ITPR1: variants seen among roughly 807,000 people sequenced by gnomAD.
The protein encoded by ITPR1 is inositol 1,4,5-trisphosphate receptor type 1.
In ITPR1, 96 loss-of-function variants were observed where a neutral mutation model predicts 318.4. That is an observed-to-expected ratio of 0.30 (90% CI 0.26 to 0.36). The LOEUF is 0.36. Ranked by LOEUF, ITPR1 falls within the 10% of genes least tolerant of loss-of-function variation. ITPR1 has a pLI of 1.00. For synonymous variants in ITPR1, 1,312 were observed against 1,289.9 expected (o/e 1.02, Z -0.37); for missense variants, 2,440 against 3,460.2 (o/e 0.71, Z 7.40).
chr3:4,548,046 G>C (rs139218630), intron 4 of ITPR1, among the ~76,000 whole-genome samples: 5 of 152,236 alleles, frequency 3.3e-5, no homozygotes, highest in Non-Finnish European at 5.9e-5. Flanking sequence ...TCTCTTATTT[G>C]TCAGCACTTT....
At chr3:4,569,800 G>T (rs1256310191) in intron 4 of ITPR1, among the ~76,000 whole-genome samples, 1 of 152,190 alleles carries the variant, frequency 6.6e-6, no homozygotes, top group African/African-American at 2.4e-5. Context: ...CTTAAACTTT[G>T]TTCACATTGA....
intron 4 of ITPR1, among the ~76,000 whole-genome samples, chr3:4,528,543 G>A (rs941824609): frequency 1.3e-5 from 2 of 152,234 alleles, no homozygotes; most frequent in East Asian, 1.9e-4. Flanking sequence ...GCAAGGCATC[G>A]AAGGAATGAA....
chr3:4,842,072 T>G (rs981279119), intron 61 of ITPR1, among the ~76,000 whole-genome samples: 24 of 152,262 alleles, frequency 1.6e-4, no homozygotes, highest in African/African-American at 4.1e-4. Flanking sequence ...GGCATTTGTG[T>G]GCTGTCAATG....
chr3:4,598,013 G>T (rs915659286), intron 4 of ITPR1, among the ~76,000 whole-genome samples: 2 of 152,230 alleles, frequency 1.3e-5, no homozygotes, highest in Non-Finnish European at 2.9e-5. Context: ...GTGTGATTCT[G>T]TGACTGAGTG....
In ITPR1 at chr3:4,788,074, T is replaced by C; in HGVS notation, c.6743T>C (p.Ile2248Thr). ...GAGAGAGACGAACAAGGCAGCAAAA[T>C]CAATGATTTCTTTCTGCGGTCTGAA... is the stretch of plus-strand genomic sequence containing the variant. ...TTERDEQGSKINDFFLRSEDL... is the reference protein window; with the variant it reads ...TTERDEQGSKTNDFFLRSEDL... The change falls in exon 52 of 62, where the codon ATC becomes ACC. Residue 2248 changes from isoleucine to threonine, a missense_variant. Ile to Thr is a moderately conservative substitution (Grantham distance 89, BLOSUM62 -1). Coordinates refer to ENST00000649015, the MANE Select transcript of ITPR1 (RefSeq NM_001378452.1). The C allele has an allele frequency of 6.2e-7, 1 of 1,611,594 alleles. No homozygotes were observed. Among genetic ancestry groups the C allele is most frequent in the Non-Finnish European group, 8.5e-7 (1 of 1,178,818 alleles).
intron 4 of ITPR1, among the ~76,000 whole-genome samples, chr3:4,598,614 C>T (rs1246116372): frequency 1.3e-5 from 2 of 151,746 alleles, no homozygotes; most frequent in Non-Finnish European, 2.9e-5. Context: ...GGAGCTAGAC[C>T]CTGTCTTAAA....
chr3:4,768,637 G>C lies in ITPR1; in HGVS notation c.5852G>C (p.Gly1951Ala). The change falls in exon 46 of 62, where the codon GGA becomes GCA. Residue 1951 changes from glycine to alanine, a missense_variant. Gly to Ala is a moderately conservative substitution (Grantham distance 60, BLOSUM62 0). Around this residue, in one of 23 missense-constraint regions of ITPR1, gnomAD observed 113 missense variants for 103.6 expected, o/e 1.09. Transcript: ENST00000649015. ...EADPDDHYQP[G>A]EGTQATADKA... ...GATCCCGACGACCACTACCAGCCTG[G>C]AGAGGGCACCCAGGCCACTGCCGAC... 1 of 1,614,004 alleles carries C rather than the reference G, an allele frequency of 6.2e-7. No homozygotes were observed. The highest frequency in any genetic ancestry group is 1.3e-5 in the African/African-American group (1 of 75,040).
intron 40 of ITPR1, among the ~76,000 whole-genome samples, chr3:4,720,955 C>CT (rs1392078878): frequency 1.3e-5 from 2 of 151,830 alleles, no homozygotes; most frequent in Non-Finnish European, 2.9e-5. Flanking sequence ...ATAAGAGCTG[C>CT]TTTTTTTCCT....
intron 21 of ITPR1, among the ~76,000 whole-genome samples, chr3:4,673,934 T>C (rs1209148287): frequency 6.6e-6 from 1 of 152,212 alleles, no homozygotes; most frequent in African/African-American, 2.4e-5. Flanking sequence ...TGCAAATATT[T>C]AAGTGTGTAC....
rs142458356 is a variant in ITPR1 at position 4,578,698 on chromosome 3, G to A, written c.164-49065G>A. 3.1e-4 allele frequency among the ~76,000 whole-genome samples: 47 copies of A among 152,274 alleles called. 1 individual carries two copies. The highest frequency in any genetic ancestry group is 2.0e-3 in the Admixed American group (31 of 15,300). On this transcript the variant is annotated intron_variant, in intron 4 of 61. Coordinates refer to ENST00000649015, the MANE Select transcript of ITPR1 (RefSeq NM_001378452.1). ...CAACGTTTGTGTATGAGATTTAAAC[G>A]TGGTTGGCGCGCTCATGATTGCCAT...
At chr3:4,617,218 G>C (rs2092422143) in intron 4 of ITPR1, among the ~76,000 whole-genome samples, 1 of 152,062 alleles carries the variant, frequency 6.6e-6, no homozygotes, top group Non-Finnish European at 1.5e-5. Context: ...CAGTGTCTTA[G>C]TCTATTTGTG....
intron 4 of ITPR1, among the ~76,000 whole-genome samples, chr3:4,536,759 T>C (rs1349503071): frequency 6.6e-6 from 1 of 152,200 alleles, no homozygotes; most frequent in Non-Finnish European, 1.5e-5. Context: ...CAGCATGCAT[T>C]TTAAATTACT....
intron 50 of ITPR1, 21 bp from the exon 51 acceptor site, chr3:4,783,795 A>G (rs2046988975): frequency 1.9e-6 from 3 of 1,554,684 alleles, no homozygotes; most frequent in Non-Finnish European, 1.8e-6. Context: ...AACCTCCTGT[A>G]TCTCTGTCCC....
chr3:4,547,190 C>T (rs2085107922), intron 4 of ITPR1, among the ~76,000 whole-genome samples: 1 of 152,210 alleles, frequency 6.6e-6, no homozygotes, highest in African/African-American at 2.4e-5. Flanking sequence ...CCCTGATAAA[C>T]TTTAATTTCT....
At chr3:4,780,134 A>G (rs2046733600) in intron 49 of ITPR1, among the ~76,000 whole-genome samples, 1 of 152,060 alleles carries the variant, frequency 6.6e-6, no homozygotes, top group African/African-American at 2.4e-5. Flanking sequence ...AATAATAATA[A>G]TATTCCCTAG....
At chr3:4,703,294 A>T (rs780548185) in intron 36 of ITPR1, among the ~76,000 whole-genome samples, 1 of 152,096 alleles carries the variant, frequency 6.6e-6, no homozygotes, top group Non-Finnish European at 1.5e-5. Context: ...TAATCCAGCA[A>T]ATGTACTTGA....
At position 4,727,152 on chromosome 3, in the gene ITPR1, G is replaced by A. The variant is rs903962592; in HGVS notation, c.5199G>A (p.Arg1733=). The A allele has an allele frequency of 6.3e-6, 10 of 1,597,634 alleles. No homozygotes were observed. The highest frequency in any genetic ancestry group is 2.7e-5 in the African/African-American group (2 of 74,864). ...TEELEPSPPL[R]QLEDHKRGEA... ...AGCTTGAACCAAGTCCACCCCTGCG[G>A]CAGCTGGAAGACCATAAAAGGGTAC... The change falls in exon 42 of 62, where the codon CGG becomes CGA. Residue 1733 remains arginine, a synonymous_variant. Coordinates refer to ENST00000649015, the MANE Select transcript of ITPR1 (RefSeq NM_001378452.1).
At chr3:4,599,178 G>A (rs949982386) in intron 4 of ITPR1, among the ~76,000 whole-genome samples, 11 of 152,030 alleles carry the variant, frequency 7.2e-5, no homozygotes, top group South Asian at 2.1e-4. Context: ...TGTTAGTCCC[G>A]GTTTGCTGAT....
chr3:4,670,253 A>T (rs560563308), intron 19 of ITPR1, among the ~76,000 whole-genome samples: 1 of 152,358 alleles, frequency 6.6e-6, no homozygotes, highest in East Asian at 1.9e-4. Flanking sequence ...TGCCGGTAAT[A>T]TGGACAGCCT....
Sources: gnomAD v4.1 joint callset for allele counts (sites outside exome capture counted in the v4.1 genomes callset) on GRCh38, gnomAD v4.1.1 for gene constraint, gnomAD v4.1.1 regional missense constraint, MANE v1.5 for transcripts, NCBI Gene and HGNC (gene_info 2026-07-23, HGNC 2026-07-21) for gene names.